Variants in AXDND1 observed in about 807,000 individuals in gnomAD.
AXDND1 encodes axonemal dynein light chain domain containing 1.
A neutral mutation model predicts 137.5 loss-of-function variants in AXDND1; 110 were observed. The ratio of observed to expected loss-of-function variants is 0.80; its 90% CI spans 0.69 to 0.94. The LOEUF (loss-of-function observed/expected upper bound fraction) is 0.94. Among genes scored for constraint, AXDND1 ranks in the 40% least tolerant of loss-of-function variants. The pLI is 0.00. For synonymous variants in AXDND1, 414 were observed against 399.7 expected, an observed-to-expected ratio of 1.04 and a Z score of -0.43; for missense variants, 1,191 against 1,169.8, an observed-to-expected ratio of 1.02 and a Z score of -0.26.
chr1:179,422,288 C>T (rs1185868587), intron 12 of AXDND1, among the ~76,000 whole-genome samples: 1 of 152,060 alleles, frequency 6.6e-6, no homozygotes, highest in Admixed American at 6.6e-5. Context: ...CTTATCTGTT[C>T]ATACTGCTTT....
chr1:179,452,234 G>A (rs1382017603), intron 16 of AXDND1: 1 of 152,878 alleles, frequency 6.5e-6, no homozygotes, highest in African/African-American at 2.4e-5. Flanking sequence ...GAGATTTGTG[G>A]AACTTTGAAC....
chr1:179,443,751 C>G (rs11582754), intron 15 of AXDND1, among the ~76,000 whole-genome samples: 48,225 of 151,998 alleles, frequency 0.32, 7,958 homozygotes, highest in African/African-American at 0.37. Flanking sequence ...TTTCAAGGTT[C>G]AATAATATCC....
chr1:179,382,067 G>A (rs559379283), intron 6 of AXDND1, among the ~76,000 whole-genome samples: 2 of 146,486 alleles, frequency 1.4e-5, no homozygotes, highest in African/African-American at 5.1e-5. Context: ...GAGCCACCAC[G>A]CCCAGCCCTT....
At chr1:179,427,806 A>G (rs1014485952) in intron 12 of AXDND1, among the ~76,000 whole-genome samples, 1 of 152,218 alleles carries the variant, frequency 6.6e-6, no homozygotes, top group Non-Finnish European at 1.5e-5. Flanking sequence ...GCCTAAGTTC[A>G]CATAGCTAAT....
intron 25 of AXDND1, among the ~76,000 whole-genome samples, chr1:179,548,281 G>A (rs149986766): frequency 6.6e-6 from 1 of 152,174 alleles, no homozygotes; most frequent in Non-Finnish European, 1.5e-5. Flanking sequence ...AATTTACCTT[G>A]TGCAAGCATT....
intron 20 of AXDND1, among the ~76,000 whole-genome samples, chr1:179,505,803 C>G (rs572453834): frequency 6.6e-6 from 1 of 152,308 alleles, no homozygotes; most frequent in Non-Finnish European, 1.5e-5. Context: ...TAGGGATTAT[C>G]TAGTTCCCCA....
chr1:179,535,094 G>A (rs763055709), intron 25 of AXDND1, 132 bp downstream of exon 25: 1 of 1,365,816 alleles, frequency 7.3e-7, no homozygotes, highest in East Asian at 2.3e-5. Flanking sequence ...TCATAGGAAT[G>A]TGCATATTTT....
chr1:179,480,727 C>G (rs1454912650), intron 17 of AXDND1, among the ~76,000 whole-genome samples: 1 of 151,622 alleles, frequency 6.6e-6, no homozygotes, highest in Non-Finnish European at 1.5e-5. Context: ...GGTTGCTACC[C>G]CCCTCTTCCT....
intron 25 of AXDND1, chr1:179,544,142 A>G (rs1231931882): frequency 6.6e-6 from 1 of 152,458 alleles, no homozygotes; most frequent in Admixed American, 6.5e-5. Context: ...GAAAAGCCAT[A>G]ACCTACAACG....
At chr1:179,455,908 G>A (rs1661333100) in intron 16 of AXDND1, 1 of 203,254 alleles carries the variant, frequency 4.9e-6, no homozygotes, top group Admixed American at 5.4e-5. Flanking sequence ...CATTTATTCA[G>A]CATCACAATC....
intron 25 of AXDND1, among the ~76,000 whole-genome samples, chr1:179,542,229 T>A (rs1672238655): frequency 6.6e-6 from 1 of 152,236 alleles, no homozygotes; most frequent in Non-Finnish European, 1.5e-5. Context: ...GCTATTTTTT[T>A]ATTTTTGCTT....
At chr1:179,547,474 G>A (rs997391171) in intron 25 of AXDND1, among the ~76,000 whole-genome samples, 1 of 152,242 alleles carries the variant, frequency 6.6e-6, no homozygotes, top group African/African-American at 2.4e-5. Context: ...GTCTAAAATG[G>A]TGCAGCAAAG....
chr1:179,391,112 T>TTC (rs761643667), intron 9 of AXDND1, among the ~76,000 whole-genome samples: 2,229 of 34,062 alleles, frequency 0.065, 81 homozygotes, highest in African/African-American at 0.13. Flanking sequence ...AGACTTCTTC[T>TTC]TTTTTTTTTT....
rs770495227 is a variant in AXDND1, at chr1:179,552,669, C to A, written c.3032-1843C>A. 6 of 1,613,744 alleles carry A rather than the reference C, an allele frequency of 3.7e-6. No homozygotes were observed. In the South Asian group the frequency reaches 4.4e-5, roughly 12 times the overall value. ...GTGAGTGCTGAAGCCCAGCTGGCAA[C>A]CTCACATCTTTACTGAAAAAGAAAG... On this transcript the variant is annotated intron_variant, in intron 25 of 25. Coordinates refer to ENST00000367618, the MANE Select transcript of AXDND1 (RefSeq NM_144696.6).
At chr1:179,393,002 T>G (rs1650438991) in intron 9 of AXDND1, among the ~76,000 whole-genome samples, 1 of 152,340 alleles carries the variant, frequency 6.6e-6, no homozygotes, top group East Asian at 1.9e-4. Flanking sequence ...TATTTTTGTT[T>G]TTGTTGCATT....
Position 179,509,334 on chromosome 1 carries a change from C to G in AXDND1, c.2427C>G (p.Leu809=), listed in dbSNP as rs1668808239. The change falls in exon 21 of 26, where the codon CTC becomes CTG. Residue 809 remains leucine (L), a synonymous_variant. Coordinates refer to ENST00000367618, the MANE Select transcript of AXDND1 (RefSeq NM_144696.6). ...CYEWINTCSC[L]LSNIKGRKIT... ...AATGGATCAACACATGCTCTTGCCT[C>G]CTTTCTAATATCAAAGGCAGAAAAA... 1 of 1,612,612 alleles carries G rather than the reference C, an allele frequency of 6.2e-7. No homozygotes were observed. Among genetic ancestry groups the G allele is most frequent in the African/African-American group, 1.3e-5 (1 of 74,830 alleles).
intron 23 of AXDND1, 99 bp downstream of exon 23, chr1:179,528,530 G>A (rs1206573575): frequency 4.6e-6 from 3 of 657,692 alleles, no homozygotes; most frequent in Admixed American, 6.2e-5. Context: ...AAGGGGACCA[G>A]GGATTCCTAA....
intron 20 of AXDND1, among the ~76,000 whole-genome samples, chr1:179,496,463 C>T (rs1040905204): frequency 2.0e-5 from 3 of 151,940 alleles, no homozygotes; most frequent in Admixed American, 6.6e-5. Context: ...AAGGAATTTG[C>T]GATTTCATCT....
chr1:179,373,828 A>C (rs531735471), intron 4 of AXDND1, among the ~76,000 whole-genome samples: 1 of 152,324 alleles, frequency 6.6e-6, no homozygotes, highest in East Asian at 1.9e-4. Flanking sequence ...AAATTAATTC[A>C]AGATGGATTA....
Sources: allele counts gnomAD v4.1 joint callset (sites outside exome capture counted in the v4.1 genomes callset), GRCh38; gene constraint gnomAD v4.1.1; transcripts MANE v1.5; gene names NCBI Gene and HGNC (gene_info 2026-07-23, HGNC 2026-07-21).